Variants in KDM4C observed in about 807,000 individuals in gnomAD.
The protein encoded by KDM4C is lysine demethylase 4C, also known as lysine-specific demethylase 4C.
KDM4C carries 81 observed loss-of-function variants against 129.3 expected under a neutral mutation model. The observed-to-expected ratio is 0.63, with a 90% CI of 0.52 to 0.75. The LOEUF is 0.75. Ranked by LOEUF, KDM4C falls within the 30% of genes least tolerant of loss-of-function variation. The pLI is 0.00. For missense variants in KDM4C, 1,457 were observed against 1,304.0 expected (o/e 1.12, Z -1.81); for synonymous variants, 573 against 456.1 (o/e 1.26, Z -3.26).
At chr9:6,742,994 G>A (rs1303135963) in intron 1 of KDM4C, among the ~76,000 whole-genome samples, 1 of 152,072 alleles carries the variant, frequency 6.6e-6, no homozygotes, top group East Asian at 1.9e-4. Flanking sequence ...CTGGGTGACA[G>A]GGCGAGGCTC....
chr9:6,740,878 A>AT (rs1817672754), intron 1 of KDM4C, among the ~76,000 whole-genome samples: 1 of 151,478 alleles, frequency 6.6e-6, no homozygotes, highest in African/African-American at 2.4e-5. Context: ...TCCAAGTTGG[A>AT]TTGCAGTGGG....
At chr9:7,106,607 A>T (rs978472772) in intron 18 of KDM4C, among the ~76,000 whole-genome samples, 2 of 152,154 alleles carry the variant, frequency 1.3e-5, no homozygotes, top group African/African-American at 4.8e-5. Flanking sequence ...AAGCATCCAA[A>T]AGGACCATTT....
intron 1 of KDM4C, among the ~76,000 whole-genome samples, chr9:6,790,833 G>C (rs748131759): frequency 6.6e-6 from 1 of 152,044 alleles, no homozygotes; most frequent in Non-Finnish European, 1.5e-5. Context: ...CCTGTCTCAT[G>C]ATAGGTGCTC....
chr9:6,872,294 G>C (rs780035367), intron 5 of KDM4C, among the ~76,000 whole-genome samples: 1 of 152,182 alleles, frequency 6.6e-6, no homozygotes, highest in Non-Finnish European at 1.5e-5. Context: ...TTTTGAGGTG[G>C]TAGAGTGGTT....
intron 2 of KDM4C, 21 bp from the exon 3 acceptor site, chr9:6,805,578 A>G (rs1354109416): frequency 6.4e-7 from 1 of 1,555,016 alleles, no homozygotes; most frequent in African/African-American, 1.4e-5. Context: ...ATGATATTTT[A>G]TTTCATTATT....
chr9:7,048,525 G>C (rs933399520), intron 16 of KDM4C, among the ~76,000 whole-genome samples: 5 of 152,044 alleles, frequency 3.3e-5, no homozygotes, highest in Admixed American at 6.6e-5. Context: ...ACTAGGGTAT[G>C]AGATAAACTT....
At chr9:7,061,172 A>G (rs1211213308) in intron 17 of KDM4C, among the ~76,000 whole-genome samples, 1 of 152,164 alleles carries the variant, frequency 6.6e-6, no homozygotes, top group East Asian at 1.9e-4. Context: ...TTCTCCCTCC[A>G]GTAGTGTTCC....
At position 7,174,858 on chromosome 9, in the gene KDM4C, C is replaced by G; in HGVS notation, c.*129C>G. ...GGGTGTGTCTCTGACAGTGGTAAAT[C>G]GGGTTTCCAGAGTTTGGTCACCAAA... On this transcript the variant is annotated 3_prime_UTR_variant, in exon 22 of 22. Transcript: ENST00000381309. 1 of 740,928 alleles carries G rather than the reference C, an allele frequency of 1.3e-6. No homozygotes were observed. The highest frequency in any genetic ancestry group is 2.4e-5 in the Admixed American group (1 of 41,098). 45.9% of individuals were successfully genotyped at this position (740,928 alleles called of 1,614,324 possible).
chr9:6,930,371 G>A (rs1563832397), intron 8 of KDM4C, among the ~76,000 whole-genome samples: 1 of 151,864 alleles, frequency 6.6e-6, no homozygotes, highest in African/African-American at 2.4e-5. Flanking sequence ...CACTTATTTT[G>A]TAATGAGCAC....
intron 8 of KDM4C, among the ~76,000 whole-genome samples, chr9:6,901,444 C>T (rs1398727670): frequency 6.6e-6 from 1 of 152,202 alleles, no homozygotes; most frequent in Non-Finnish European, 1.5e-5. Flanking sequence ...AGGTCTCATG[C>T]AGTTCCTGTC....
At chr9:6,999,000 A>G (rs1432131127) in intron 12 of KDM4C, among the ~76,000 whole-genome samples, 1 of 151,896 alleles carries the variant, frequency 6.6e-6, no homozygotes, top group Non-Finnish European at 1.5e-5. Flanking sequence ...CGTGTCTTGT[A>G]GTCATTGTCC....
chr9:6,793,701 C>A (rs752723859), intron 2 of KDM4C, among the ~76,000 whole-genome samples: 1 of 151,876 alleles, frequency 6.6e-6, no homozygotes, highest in Non-Finnish European at 1.5e-5. Context: ...CCACCATGCC[C>A]CGCTAATTTT....
At chr9:6,807,891 TGGGGG>T in intron 3 of KDM4C, among the ~76,000 whole-genome samples, 1 of 101,138 alleles carries the variant, frequency 9.9e-6, no homozygotes, top group Non-Finnish European at 2.0e-5. Context: ...GGGAGGGAGG[TGGGGG>T]TGTCAGCCCC....
chr9:6,888,102 G>A (rs771631259), intron 7 of KDM4C, 39 bp downstream of exon 7: 8 of 1,127,002 alleles, frequency 7.1e-6, no homozygotes, highest in Non-Finnish European at 1.0e-5. Context: ...AATTTTGTTT[G>A]TGTAGGATTT....
chr9:6,757,529 C>T, upstream of KDM4C: 1 of 695,340 alleles, frequency 1.4e-6, no homozygotes, highest in Non-Finnish European at 1.8e-6. Context: ...AACGGGAACA[C>T]AGCGCTGTCA....
chr9:6,906,084 A>G (rs1283471469), intron 8 of KDM4C, among the ~76,000 whole-genome samples: 2 of 152,154 alleles, frequency 1.3e-5, no homozygotes, highest in Admixed American at 1.3e-4. Flanking sequence ...TCAAAGAAAC[A>G]TTTTGAGGTT....
chr9:7,094,122 G>A lies in KDM4C; in HGVS notation c.2425-9563G>A, dbSNP rs906029661. Among the ~76,000 whole-genome samples, 11 of 152,302 alleles carry A rather than the reference G, an allele frequency of 7.2e-5. 1 individual carries two copies. Among genetic ancestry groups the A allele is most frequent in the Non-Finnish European group, 1.0e-4 (7 of 68,018 alleles). On this transcript the variant is annotated intron_variant, in intron 17 of 21. Transcript: ENST00000381309. Reference sequence around the variant, plus strand: ...GTGAAGCAACTAAGCTTGGAGAAGTGACCCATTGTTCTAATCACAAATAGA... The same window carrying A: ...GTGAAGCAACTAAGCTTGGAGAAGTAACCCATTGTTCTAATCACAAATAGA...
intron 8 of KDM4C, among the ~76,000 whole-genome samples, chr9:6,910,813 A>G (rs1277870376): frequency 1.3e-5 from 2 of 152,176 alleles, no homozygotes; most frequent in African/African-American, 4.8e-5. Flanking sequence ...ATAGCAAGTA[A>G]ATGTTGAACG....
At chr9:6,814,767 G>A (rs985395811) in intron 4 of KDM4C, 22 bp downstream of exon 4, 4 of 1,400,556 alleles carry the variant, frequency 2.9e-6, no homozygotes, top group African/African-American at 2.8e-5. Flanking sequence ...TTTACAGTGA[G>A]TTTTGTAAAG....
Sources: allele counts gnomAD v4.1 joint callset (sites outside exome capture counted in the v4.1 genomes callset), GRCh38; gene constraint gnomAD v4.1.1; transcripts MANE v1.5; gene names NCBI Gene and HGNC (gene_info 2026-07-23, HGNC 2026-07-21).